Variants in KLHL29 observed in about 807,000 individuals in gnomAD.
The protein encoded by KLHL29 is kelch-like protein 29.
A neutral mutation model predicts 80.4 loss-of-function variants in KLHL29; 21 were observed. The ratio of observed to expected loss-of-function variants is 0.26; its 90% CI spans 0.19 to 0.38. The LOEUF is 0.38. KLHL29 is among the 10% of genes least tolerant of loss of function. The pLI is 1.00. For missense variants in KLHL29, 867 were observed against 1,223.9 expected, an observed-to-expected ratio of 0.71 and a Z score of 4.35; for synonymous variants, 511 against 526.8, an observed-to-expected ratio of 0.97 and a Z score of 0.41.
intron 2 of KLHL29, among the ~76,000 whole-genome samples, chr2:23,508,028 T>C (rs1665654085): frequency 7.9e-5 from 12 of 152,210 alleles, no homozygotes. Flanking sequence ...GGCTCCTGGT[T>C]CACGCATGCT....
intron 6 of KLHL29, chr2:23,685,404 C>A (rs1040461299): frequency 2.0e-5 from 3 of 152,370 alleles, no homozygotes; most frequent in Non-Finnish European, 4.4e-5. Context: ...ATTAACGCCG[C>A]TGCTCCTCTT....
At chr2:23,673,122 G>C (rs1443608690) in intron 5 of KLHL29, among the ~76,000 whole-genome samples, 1 of 152,086 alleles carries the variant, frequency 6.6e-6, no homozygotes, top group Non-Finnish European at 1.5e-5. Flanking sequence ...TTTTCCCTCT[G>C]CTTCTCACAT....
At chr2:23,664,072 G>A (rs181538344) in intron 5 of KLHL29, among the ~76,000 whole-genome samples, 3 of 152,300 alleles carry the variant, frequency 2.0e-5, no homozygotes, top group African/African-American at 7.2e-5. Context: ...TGTAATGCGG[G>A]ACATTTTTAT....
At chr2:23,525,368 C>T (rs991842931) in intron 2 of KLHL29, among the ~76,000 whole-genome samples, 4 of 152,264 alleles carry the variant, frequency 2.6e-5, no homozygotes, top group Non-Finnish European at 4.4e-5. Context: ...TTTTCCGCTA[C>T]ACCACGTGGC....
intron 1 of KLHL29, among the ~76,000 whole-genome samples, chr2:23,396,219 G>T (rs984121594): frequency 1.3e-5 from 2 of 152,158 alleles, no homozygotes; most frequent in African/African-American, 4.8e-5. Flanking sequence ...TGCCATTGTT[G>T]GTGGCCATAA....
chr2:23,430,446 C>T (rs987135349), intron 1 of KLHL29, among the ~76,000 whole-genome samples: 1 of 152,222 alleles, frequency 6.6e-6, no homozygotes, highest in Non-Finnish European at 1.5e-5. Context: ...TAAAAGGAAT[C>T]TATTGCTTGT....
At chr2:23,517,631 G>C (rs564489877) in intron 2 of KLHL29, among the ~76,000 whole-genome samples, 14 of 141,108 alleles carry the variant, frequency 9.9e-5, no homozygotes, top group Admixed American at 5.0e-4. Context: ...AACATGTGCA[G>C]AGTGGATACA....
intron 6 of KLHL29, among the ~76,000 whole-genome samples, chr2:23,685,721 T>C (rs1376226463): frequency 6.6e-6 from 1 of 152,148 alleles, no homozygotes; most frequent in Non-Finnish European, 1.5e-5. Flanking sequence ...TTGGGCTCTC[T>C]CTGTCCAAGC....
intron 3 of KLHL29, among the ~76,000 whole-genome samples, chr2:23,583,123 G>A (rs776573333): frequency 3.9e-5 from 6 of 152,188 alleles, no homozygotes; most frequent in Non-Finnish European, 7.3e-5. Context: ...ATCCAGAGGG[G>A]GTGTGGCCCT....
Position 23,562,477 on chromosome 2 carries a change from C to T in KLHL29, c.281C>T (p.Thr94Ile). Residue 94 changes from threonine (T) to isoleucine (I), a missense_variant, in exon 3 of 14, where the codon ACC becomes ATC. Around this residue, in one of 2 missense-constraint regions of KLHL29, gnomAD observed 424 missense variants for 456.9 expected, o/e 0.93. Coordinates refer to ENST00000486442, the MANE Select transcript of KLHL29 (RefSeq NM_052920.2). The surrounding 1 kb of genome is among the most constrained non-coding windows in gnomAD (Gnocchi z 4.5). ...GCCAGCTCTGCGTCTGCGGTCACCA[C>T]CAAGGTAAGATGTGGTGTCATCTCT... ...LVASSASAVT[T>I]KAPGISKGDS... 2.0e-6 allele frequency: 3 copies of T among 1,535,780 alleles called. No homozygotes were observed. The highest frequency in any genetic ancestry group is 2.6e-6 in the Non-Finnish European group (3 of 1,146,732).
rs1359219414 is a variant in KLHL29 at position 23,696,617 on chromosome 2, A to G, written c.2105+104A>G. On this transcript the variant is annotated intron_variant, in intron 11 of 13. Coordinates refer to ENST00000486442, the MANE Select transcript of KLHL29 (RefSeq NM_052920.2). This position sits in a 1 kb window ranked among gnomAD's most constrained non-coding sequence, Gnocchi z 5.5. ...AACACCCACTCAGTGGCGATGGAGC[A>G]GAGCCTGGACCATTCATATGGGCAG... 3 of 933,024 alleles carry G rather than the reference A, an allele frequency of 3.2e-6. No individual in the cohort carries two copies. The highest frequency in any genetic ancestry group is 1.7e-5 in the African/African-American group (1 of 60,082). 57.8% of individuals were successfully genotyped at this position (933,024 alleles called of 1,614,324 possible). A position where few individuals can be genotyped will look rare whatever the true frequency, so the allele number is the denominator to read the frequency against.
chr2:23,514,169 C>T (rs1235556093), intron 2 of KLHL29, among the ~76,000 whole-genome samples: 1 of 152,118 alleles, frequency 6.6e-6, no homozygotes, highest in Non-Finnish European at 1.5e-5. Context: ...AGGGGGGAGG[C>T]ATCTGTAATT....
At chr2:23,678,327 C>G (rs530242439) in intron 5 of KLHL29, among the ~76,000 whole-genome samples, 1 of 152,122 alleles carries the variant, frequency 6.6e-6, no homozygotes, top group Non-Finnish European at 1.5e-5. Flanking sequence ...TGAGACGGGT[C>G]GTTAGAGGGG....
chr2:23,652,966 T>G (rs1428006327), intron 5 of KLHL29, among the ~76,000 whole-genome samples: 2 of 152,150 alleles, frequency 1.3e-5, no homozygotes, highest in African/African-American at 4.8e-5. Flanking sequence ...TTCTGAATTT[T>G]TAAATTATTT....
intron 1 of KLHL29, among the ~76,000 whole-genome samples, chr2:23,406,527 T>A (rs1393668525): frequency 6.6e-6 from 1 of 152,178 alleles, no homozygotes; most frequent in Non-Finnish European, 1.5e-5. Context: ...CTCTTAAACA[T>A]CACTTCCGGA....
At chr2:23,440,032 T>C (rs1347624747) in intron 1 of KLHL29, among the ~76,000 whole-genome samples, 10 of 151,510 alleles carry the variant, frequency 6.6e-5, no homozygotes, top group African/African-American at 2.4e-4. Context: ...GAGTTAGCTT[T>C]TCTTGTTGAA....
chr2:23,695,130 G>A lies in KLHL29; in HGVS notation c.1543-493G>A, dbSNP rs934803910. On this transcript the variant is annotated intron_variant, in intron 8 of 13. Transcript: ENST00000486442. The surrounding 1 kb of genome is among the most constrained non-coding windows in gnomAD (Gnocchi z 7.6). The stretch of plus-strand genomic sequence containing the variant: ...ACATGGGACACCACTGAAAGTTTTC[G>A]GTGCTGGAGAGACACAGGCTCCCAC... Among the ~76,000 whole-genome samples, 32 of 152,256 alleles carry A rather than the reference G, an allele frequency of 2.1e-4. 2 individuals carry two copies. The highest frequency in any genetic ancestry group is 1.6e-3 in the Admixed American group (24 of 15,298).
chr2:23,574,348 C>T (rs754089724), intron 3 of KLHL29, among the ~76,000 whole-genome samples: 3 of 152,246 alleles, frequency 2.0e-5, no homozygotes, highest in East Asian at 1.9e-4. Flanking sequence ...CGTACTTGAC[C>T]GGCTGAATGA....
intron 2 of KLHL29, among the ~76,000 whole-genome samples, chr2:23,476,966 G>A (rs1664657927): frequency 6.6e-6 from 1 of 152,272 alleles, no homozygotes; most frequent in Non-Finnish European, 1.5e-5. Context: ...CACATTTCAT[G>A]CTACTGAAGG....
Sources: allele counts gnomAD v4.1 joint callset (sites outside exome capture counted in the v4.1 genomes callset), GRCh38; gene constraint gnomAD v4.1.1; regional missense constraint gnomAD v4.1.1; non-coding constraint Gnocchi (gnomAD v3.1); transcripts MANE v1.5; gene names NCBI Gene and HGNC (gene_info 2026-07-23, HGNC 2026-07-21).